The following CHGB variants were observed in gnomAD, a reference collection of about 807,000 sequenced individuals.
The protein encoded by CHGB is secretogranin-1.
A neutral mutation model predicts 69.9 loss-of-function variants in CHGB; 46 were observed. The observed-to-expected ratio is 0.66, with a 90% CI of 0.52 to 0.84. The LOEUF (loss-of-function observed/expected upper bound fraction) is 0.84. Among genes scored for constraint, CHGB ranks in the 40% least tolerant of loss-of-function variants. The pLI is 0.00. For synonymous variants in CHGB, 312 were observed against 298.2 expected, an observed-to-expected ratio of 1.05 and a Z score of -0.48; for missense variants, 796 against 822.2, an observed-to-expected ratio of 0.97 and a Z score of 0.39.
chr20:5,923,485 T>C lies in CHGB; in HGVS notation c.1341T>C (p.Arg447=). The change falls in exon 4 of 5, where the codon CGT becomes CGC. Residue 447 remains arginine (R), a synonymous_variant. Coordinates refer to ENST00000378961, the MANE Select transcript of CHGB (RefSeq NM_001819.3). Reference sequence around the variant, plus strand: ...GGTTCTTGGGTGAAGGACACCACCGTGTCCAAGAAAACCAGATGGACAAGG... The same window carrying C: ...GGTTCTTGGGTGAAGGACACCACCGCGTCCAAGAAAACCAGATGGACAAGG... ...EKRFLGEGHH[R]VQENQMDKAR... 1 of 1,614,098 alleles carries C rather than the reference T, an allele frequency of 6.2e-7. No homozygotes were observed. Among genetic ancestry groups the C allele is most frequent in the Non-Finnish European group, 8.5e-7 (1 of 1,180,028 alleles).
chr20:5,921,360 G>C lies in CHGB; in HGVS notation c.191-975G>C, dbSNP rs533670035. ...GTGCCTGCAGTGTAGACCCAGAGCT[G>C]TCAGTGGCCTTGGCTTCAGGCATTT... On this transcript the variant is annotated intron_variant, in intron 3 of 4. Coordinates refer to ENST00000378961, the MANE Select transcript of CHGB (RefSeq NM_001819.3). Among the ~76,000 whole-genome samples, 4 of 152,286 alleles carry C rather than the reference G, an allele frequency of 2.6e-5. No individual in the cohort carries two copies. The South Asian group carries it at 8.3e-4, about 32-fold the overall frequency.
chr20:5,912,890 GTAAT>G (rs1193021887), intron 1 of CHGB, among the ~76,000 whole-genome samples: 1 of 151,888 alleles, frequency 6.6e-6, no homozygotes, highest in Non-Finnish European at 1.5e-5. Flanking sequence ...AAAGCCAGTC[GTAAT>G]TAATTTTATT....
chr20:5,916,861 C>G lies in CHGB; in HGVS notation c.132C>G (p.Ala44=), dbSNP rs1298496790. The G allele has an allele frequency of 1.9e-6, 3 of 1,614,112 alleles. No homozygotes were observed. Among genetic ancestry groups the G allele is most frequent in the African/African-American group, 2.7e-5 (2 of 74,940 alleles). ...TRCIIEVLSN[A]LSKSSAPPIT... ...GCATCATTGAGGTCCTCTCAAATGC[C>G]TTGTCGAAGTCCAGCGCTCCACCCA... The change falls in exon 3 of 5, where the codon GCC becomes GCG. Residue 44 remains alanine, a synonymous_variant. Transcript: ENST00000378961.
intron 4 of CHGB, 66 bp from the exon 5 acceptor site, chr20:5,924,906 T>G: frequency 1.1e-6 from 1 of 943,318 alleles, no homozygotes; most frequent in Non-Finnish European, 1.7e-6. Context: ...GCACTCATGC[T>G]CCATCAAACT....
intron 3 of CHGB, 82 bp downstream of exon 3, chr20:5,917,001 T>C: frequency 7.9e-7 from 1 of 1,269,546 alleles, no homozygotes; most frequent in Non-Finnish European, 1.2e-6. Context: ...TTCTACTTTA[T>C]CTACAAATGA....
chr20:5,924,108 C>G lies in CHGB; in HGVS notation c.1956+8C>G, dbSNP rs772065079. ...GTCCTGACAGAGGACGAGGTATGGTCTAGGGCTTCTGTTTAAAAGTACTTA... is the reference window on the plus strand; with the variant it reads ...GTCCTGACAGAGGACGAGGTATGGTGTAGGGCTTCTGTTTAAAAGTACTTA... On this transcript the variant is annotated splice_region_variant and intron_variant, in intron 4 of 4. Transcript: ENST00000378961. 2 of 1,583,312 alleles carry G rather than the reference C, an allele frequency of 1.3e-6. No individual in the cohort carries two copies. Among genetic ancestry groups the G allele is most frequent in the Non-Finnish European group, 1.7e-6 (2 of 1,165,708 alleles).
intron 2 of CHGB, 104 bp from the exon 3 acceptor site, chr20:5,916,722 G>A: frequency 1.0e-6 from 1 of 1,003,258 alleles, no homozygotes; most frequent in Non-Finnish European, 1.6e-6. Flanking sequence ...TACTGCATCA[G>A]CCCAGGTCAC....
intron 1 of CHGB, among the ~76,000 whole-genome samples, chr20:5,912,786 T>C (rs1306589987): frequency 6.6e-6 from 1 of 152,180 alleles, no homozygotes; most frequent in African/African-American, 2.4e-5. Context: ...ATATCTGAGA[T>C]TGAGACTCCT....
intron 1 of CHGB, 51 bp from the exon 2 acceptor site, chr20:5,916,275 A>G (rs1176037613): frequency 1.3e-6 from 2 of 1,494,166 alleles, no homozygotes; most frequent in Non-Finnish European, 1.9e-6. Context: ...GGGGTCACAC[A>G]GCTTTCAAAA....
chr20:5,921,591 G>A (rs1014440642), intron 3 of CHGB, among the ~76,000 whole-genome samples: 6 of 152,202 alleles, frequency 3.9e-5, no homozygotes, highest in Non-Finnish European at 4.4e-5. Context: ...GAAACACAAA[G>A]ATAACTCACT....
At position 5,918,398 on chromosome 20, in the gene CHGB, A is replaced by C. The variant is rs577561869; in HGVS notation, c.190+1479A>C. Among the ~76,000 whole-genome samples the C allele has an allele frequency of 7.9e-5, 12 of 152,216 alleles. No homozygotes were observed. The South Asian group carries it at 2.5e-3, about 32-fold the overall frequency. ...GCAGAGTGAGGCTCCATCAAAAACA[A>C]AAACAAAAACAAAAAAAACACCAAA... On this transcript the variant is annotated intron_variant, in intron 3 of 4. Transcript: ENST00000378961.
chr20:5,916,809 T>G lies in CHGB; in HGVS notation c.97-17T>G, dbSNP rs766480412. ...GTGATACCAGCTTCTCCAACCTGCT[T>G]TCGGGTTTCCCCCCAGGTGACTCGC... On this transcript the variant is annotated splice_polypyrimidine_tract_variant and intron_variant, in intron 2 of 4. Transcript: ENST00000378961. 6.2e-7 allele frequency: 1 copy of G among 1,613,778 alleles called. No individual in the cohort carries two copies. Among genetic ancestry groups the G allele is most frequent in the Admixed American group, 1.7e-5 (1 of 60,026 alleles).
intron 3 of CHGB, among the ~76,000 whole-genome samples, chr20:5,919,032 A>G (rs1319728688): frequency 6.6e-6 from 1 of 152,052 alleles, no homozygotes; most frequent in Non-Finnish European, 1.5e-5. Context: ...GTAAGAGCAG[A>G]GTGGGTCACT....
intron 1 of CHGB, among the ~76,000 whole-genome samples, chr20:5,912,996 G>T (rs1326735189): frequency 6.6e-6 from 1 of 152,094 alleles, no homozygotes. Flanking sequence ...AAAATCAAAT[G>T]AATATTTATA....
At position 5,923,407 on chromosome 20, in the gene CHGB, CA is replaced by C; in HGVS notation, c.1264del (p.Arg422GlyfsTer97). 1.9e-6 allele frequency: 3 copies of C among 1,613,936 alleles called. No individual in the cohort carries two copies. The highest frequency in any genetic ancestry group is 2.5e-6 in the Non-Finnish European group (3 of 1,179,970). ...CGGGAAAGGGACGCCATCACAGAGG[CA>C]GGGGAGGGGAGCCACGTGCCTATTT... is the stretch of plus-strand genomic sequence containing the variant. ...EPGKGRHHRGRGGEPRAYFMS... is the reference protein window; with the variant it reads ...EPGKGRHHRGXGGEPRAYFMS... On this transcript the variant is annotated frameshift_variant, in exon 4 of 5. Transcript: ENST00000378961. LOFTEE classifies it high-confidence loss of function.
At chr20:5,918,810 T>A (rs1359307442) in intron 3 of CHGB, among the ~76,000 whole-genome samples, 5 of 31,428 alleles carry the variant, frequency 1.6e-4, no homozygotes, top group African/African-American at 2.4e-4. Context: ...AGTCTCTGTC[T>A]AAAAAAAAAA....
chr20:5,919,085 G>C (rs955109787), intron 3 of CHGB, among the ~76,000 whole-genome samples: 1 of 152,088 alleles, frequency 6.6e-6, no homozygotes, highest in Admixed American at 6.5e-5. Context: ...ACCCATCTTG[G>C]TATCTCCCTT....
chr20:5,918,231 A>T (rs1156284043), intron 3 of CHGB, among the ~76,000 whole-genome samples: 1 of 150,940 alleles, frequency 6.6e-6, no homozygotes, highest in African/African-American at 2.4e-5. Flanking sequence ...AAAATACAAC[A>T]ACTAGTTGGG....
intron 3 of CHGB, among the ~76,000 whole-genome samples, chr20:5,919,953 C>T (rs1233831556): frequency 6.6e-6 from 1 of 152,234 alleles, no homozygotes; most frequent in East Asian, 1.9e-4. Flanking sequence ...AAGACGTAGT[C>T]TAATTTCTTC....
Sources: allele counts gnomAD v4.1 joint callset (sites outside exome capture counted in the v4.1 genomes callset), GRCh38; gene constraint gnomAD v4.1.1; transcripts MANE v1.5; gene names NCBI Gene and HGNC (gene_info 2026-07-23, HGNC 2026-07-21).